Variants in CACNA1C observed in about 807,000 individuals in gnomAD.
CACNA1C encodes the protein calcium voltage-gated channel subunit alpha1 C, also known as voltage-dependent L-type calcium channel subunit alpha-1C.
In CACNA1C, 30 loss-of-function variants were observed where a neutral mutation model predicts 229.0. The observed-to-expected ratio is 0.13, with a 90% confidence interval of 0.10 to 0.18. The LOEUF (loss-of-function observed/expected upper bound fraction) is 0.18. Ranked by LOEUF, CACNA1C falls within the 10% of genes least tolerant of loss-of-function variation. CACNA1C has a pLI of 1.00. For missense variants in CACNA1C, 1,658 were observed against 2,845.0 expected (o/e 0.58, Z 9.49); for synonymous variants, 1,114 against 1,132.5 (o/e 0.98, Z 0.33).
intron 9 of CACNA1C, among the ~76,000 whole-genome samples, chr12:2,516,879 G>C (rs1298873559): frequency 6.6e-6 from 1 of 152,208 alleles, no homozygotes; most frequent in African/African-American, 2.4e-5. Context: ...ACATATAGAA[G>C]ATACTTAACC....
chr12:2,543,898 G>A (rs968878601), intron 9 of CACNA1C, among the ~76,000 whole-genome samples: 13 of 152,164 alleles, frequency 8.5e-5, no homozygotes, highest in African/African-American at 2.7e-4. Flanking sequence ...CATGGAAGGC[G>A]TCAATGTTCT....
intron 3 of CACNA1C, among the ~76,000 whole-genome samples, chr12:2,136,992 G>A (rs984734895): frequency 3.3e-5 from 5 of 151,282 alleles, no homozygotes; most frequent in African/African-American, 9.7e-5. Context: ...TTGAACTTGG[G>A]GCCTTCATGG....
At chr12:2,471,394 T>A (rs532334523) in intron 5 of CACNA1C, among the ~76,000 whole-genome samples, 2 of 152,366 alleles carry the variant, frequency 1.3e-5, no homozygotes, top group Admixed American at 1.3e-4. Flanking sequence ...TATATTTACC[T>A]ACTTATTTAC....
intron 3 of CACNA1C, among the ~76,000 whole-genome samples, chr12:2,314,323 A>G (rs891857861): frequency 1.3e-5 from 2 of 152,188 alleles, no homozygotes; most frequent in African/African-American, 4.8e-5. Context: ...AAATTCCATG[A>G]TCTGATATTT....
intron 9 of CACNA1C, among the ~76,000 whole-genome samples, chr12:2,535,704 TAAAAAAAA>T (rs758857733): frequency 0.13 from 4,586 of 36,492 alleles, 159 homozygotes; most frequent in African/African-American, 0.19. Context: ...AGACCCTGTC[TAAAAAAAA>T]AAAAAAAAAA....
intron 3 of CACNA1C, among the ~76,000 whole-genome samples, chr12:2,334,358 G>T (rs1311828162): frequency 6.6e-6 from 1 of 152,228 alleles, no homozygotes; most frequent in East Asian, 1.9e-4. Flanking sequence ...GCCATGGGTT[G>T]AGTCAAAAGA....
At chr12:2,144,742 A>G (rs577428461) in intron 3 of CACNA1C, among the ~76,000 whole-genome samples, 13 of 151,530 alleles carry the variant, frequency 8.6e-5, no homozygotes, top group South Asian at 2.1e-4. Context: ...TTAAATTATG[A>G]TTGAAAAAAA....
At chr12:2,534,060 G>A (rs1050073343) in intron 9 of CACNA1C, among the ~76,000 whole-genome samples, 1 of 152,152 alleles carries the variant, frequency 6.6e-6, no homozygotes, top group Non-Finnish European at 1.5e-5. Context: ...GGAGATGGTC[G>A]GAGTTGGAGG....
At chr12:2,013,926 GCT>G (rs2044867617) in intron 1 of CACNA1C, among the ~76,000 whole-genome samples, 2 of 152,272 alleles carry the variant, frequency 1.3e-5, no homozygotes, top group African/African-American at 4.8e-5. Context: ...TCCACAGAAG[GCT>G]CTGTTTTCTC....
At chr12:2,513,401 C>A (rs1267924898) in intron 9 of CACNA1C, among the ~76,000 whole-genome samples, 2 of 152,200 alleles carry the variant, frequency 1.3e-5, no homozygotes, top group African/African-American at 4.8e-5. Flanking sequence ...AGGATTCCTT[C>A]CCCCTTTGCA....
In CACNA1C at chr12:2,147,193, G is replaced by T. The variant is rs543755642; in HGVS notation, c.477+26763G>T. On this transcript the variant is annotated intron_variant, in intron 3 of 46. Coordinates refer to ENST00000399655, the MANE Select transcript of CACNA1C (RefSeq NM_000719.7). ...GGGAACCTCCAAAATGTTGTGAGTTGCTTGTTTAATGTTTCAGGAGCTTCA... is the reference window on the plus strand; with the variant it reads ...GGGAACCTCCAAAATGTTGTGAGTTTCTTGTTTAATGTTTCAGGAGCTTCA... Among the ~76,000 whole-genome samples the T allele has an allele frequency of 8.4e-4, 128 of 151,488 alleles. 9 individuals are homozygous for T. The South Asian group carries it at 0.027, about 32-fold the overall frequency.
chr12:2,046,368 T>C lies in CACNA1C; in HGVS notation c.140-68856T>C, dbSNP rs143042173. 3.3e-3 allele frequency among the ~76,000 whole-genome samples: 509 copies of C among 152,204 alleles called. 3 individuals carry two copies. Among genetic ancestry groups the C allele is most frequent in the African/African-American group, 0.012 (494 of 41,524 alleles). Reference sequence around the variant, plus strand: ...ACAAGTAATGAAGGTACAGCTTTGGTGACTGAGCGCTTCCCTTGGTATCAA... The same window carrying C: ...ACAAGTAATGAAGGTACAGCTTTGGCGACTGAGCGCTTCCCTTGGTATCAA... On this transcript the variant is annotated intron_variant, in intron 1 of 46. Transcript: ENST00000682462.
intron 1 of CACNA1C, among the ~76,000 whole-genome samples, chr12:2,105,733 C>A (rs1360322862): frequency 2.8e-5 from 3 of 106,418 alleles, no homozygotes; most frequent in African/African-American, 8.1e-5. Flanking sequence ...AGCCACTGGG[C>A]GCCCACCCCG....
chr12:2,438,980 C>T (rs889985453), intron 3 of CACNA1C, among the ~76,000 whole-genome samples: 1 of 152,156 alleles, frequency 6.6e-6, no homozygotes, highest in Admixed American at 6.5e-5. Context: ...AGCAAATGCC[C>T]ATTGTCCCCA....
intron 9 of CACNA1C, among the ~76,000 whole-genome samples, chr12:2,549,511 G>A (rs1286720577): frequency 6.6e-6 from 1 of 152,228 alleles, no homozygotes; most frequent in Non-Finnish European, 1.5e-5. Flanking sequence ...TCTTGGAGAT[G>A]GAGCCCCTTA....
chr12:2,208,299 CAATG>C (rs2097815399), intron 3 of CACNA1C, among the ~76,000 whole-genome samples: 2 of 152,190 alleles, frequency 1.3e-5, no homozygotes, highest in South Asian at 4.1e-4. Context: ...AGAAAAGTTA[CAATG>C]TGCTAAAAGA....
rs199776761 is a variant in CACNA1C, at chr12:2,688,547, G to A, written c.5885G>A (p.Arg1962Gln). The A allele has an allele frequency of 1.0e-4, 168 of 1,613,974 alleles. No individual in the cohort carries two copies. The highest frequency in any genetic ancestry group is 5.5e-4 in the African/African-American group (41 of 75,054). ...FATPPATPGS[R>Q]GWPPQPVPTL... is the part of the protein sequence containing the mutation. ...ACCCCACCAGCCACACCTGGCAGCC[G>A]AGGCTGGCCCCCACAGCCCGTCCCC... is the stretch of plus-strand genomic sequence containing the variant. Residue 1962 changes from arginine to glutamine, a missense_variant, in exon 46 of 47, where the codon CGA becomes CAA. Coordinates refer to ENST00000399655, the MANE Select transcript of CACNA1C (RefSeq NM_000719.7).
intron 3 of CACNA1C, among the ~76,000 whole-genome samples, chr12:2,385,760 A>G (rs4370987): frequency 0.34 from 52,184 of 152,098 alleles, 9,543 homozygotes; most frequent in South Asian, 0.49. Flanking sequence ...ATGGGCTACA[A>G]ATAGGTGGTT....
chr12:2,533,668 G>C (rs916662431), intron 9 of CACNA1C, among the ~76,000 whole-genome samples: 4 of 152,210 alleles, frequency 2.6e-5, no homozygotes, highest in South Asian at 2.1e-4. Flanking sequence ...ACGAGGGCTG[G>C]TGGAGTCTGC....
Sources: gnomAD v4.1 joint callset for allele counts (sites outside exome capture counted in the v4.1 genomes callset) on GRCh38, gnomAD v4.1.1 for gene constraint, MANE v1.5 for transcripts, NCBI Gene and HGNC (gene_info 2026-07-23, HGNC 2026-07-21) for gene names.